The following NEK11 variants were observed in gnomAD, a reference collection of about 807,000 sequenced individuals.
NEK11 encodes the protein NIMA related kinase 11.
Under a neutral mutation model 80.7 loss-of-function variants are expected in NEK11, and 72 were observed. The observed-to-expected ratio is 0.89, with a 90% CI of 0.74 to 1.08. The LOEUF (loss-of-function observed/expected upper bound fraction) is 1.08, where lower values mean the gene tolerates loss of function less well. Among genes scored for constraint, NEK11 ranks in the 50% least tolerant of loss-of-function variants. The probability of loss-of-function intolerance (pLI) is 0.00; values close to 1 mark genes in which losing one functional copy is unlikely to be tolerated. For synonymous variants in NEK11, 251 were observed against 260.7 expected (o/e 0.96, Z 0.36); for missense variants, 764 against 763.6 (o/e 1.00, Z -0.01).
At chr3:131,110,404 A>G (rs891858547) in intron 5 of NEK11, among the ~76,000 whole-genome samples, 3 of 152,138 alleles carry the variant, frequency 2.0e-5, no homozygotes, top group African/African-American at 7.2e-5. Context: ...CCTCAGAGGG[A>G]TAAGTATTCA....
intron 14 of NEK11, among the ~76,000 whole-genome samples, chr3:131,185,911 A>T (rs2093580305): frequency 6.6e-6 from 1 of 152,170 alleles, no homozygotes. Flanking sequence ...GCATTTACCA[A>T]CTATGTGGAC....
At chr3:131,278,088 T>C (rs1280428594) in intron 17 of NEK11, among the ~76,000 whole-genome samples, 1 of 152,240 alleles carries the variant, frequency 6.6e-6, no homozygotes, top group Non-Finnish European at 1.5e-5. Context: ...GCATGTAGTA[T>C]CTTTTTAGCA....
At chr3:131,337,357 T>A (rs2097202753) in intron 17 of NEK11, among the ~76,000 whole-genome samples, 1 of 151,346 alleles carries the variant, frequency 6.6e-6, no homozygotes, top group African/African-American at 2.4e-5. Flanking sequence ...CAGTAAACTA[T>A]CGCAACGACA....
chr3:131,172,166 AG>A (rs1310533390), intron 14 of NEK11, among the ~76,000 whole-genome samples: 1 of 152,204 alleles, frequency 6.6e-6, no homozygotes, highest in Admixed American at 6.5e-5. Flanking sequence ...GTGCTCCAGT[AG>A]TAGCCCATCG....
Position 131,108,074 on chromosome 3 carries a change from C to G in NEK11, c.337-1729C>G, listed in dbSNP as rs77720450. Among the ~76,000 whole-genome samples the G allele has an allele frequency of 4.6e-3, 705 of 152,218 alleles. 4 individuals are homozygous for G. Among genetic ancestry groups the G allele is most frequent in the African/African-American group, 0.015 (641 of 41,544 alleles). The stretch of plus-strand genomic sequence containing the variant: ...ATTCCACCAAGCTTTGGAACACTCT[C>G]CTTGGCCCAGAAAAACTATCAGGAA... On this transcript the variant is annotated intron_variant, in intron 4 of 17. Transcript: ENST00000383366.
chr3:131,167,440 A>G (rs147104404), intron 12 of NEK11, among the ~76,000 whole-genome samples: 6 of 152,218 alleles, frequency 3.9e-5, no homozygotes, highest in Admixed American at 3.9e-4. Context: ...ATGAGCTTAA[A>G]TATTAGTGTC....
intron 17 of NEK11, among the ~76,000 whole-genome samples, chr3:131,324,059 C>T (rs1014973431): frequency 3.3e-5 from 5 of 152,122 alleles, no homozygotes; most frequent in Non-Finnish European, 5.9e-5. Flanking sequence ...ATTAAACAGG[C>T]AAGGAAGGCT....
intron 17 of NEK11, among the ~76,000 whole-genome samples, chr3:131,335,833 CAGAG>C (rs1316966918): frequency 2.0e-5 from 3 of 152,222 alleles, no homozygotes; most frequent in Admixed American, 1.3e-4. Context: ...AACAGACAAA[CAGAG>C]AGCCAAATCA....
At chr3:131,141,026 A>G (rs1431888915) in intron 7 of NEK11, among the ~76,000 whole-genome samples, 2 of 152,132 alleles carry the variant, frequency 1.3e-5, no homozygotes, top group Non-Finnish European at 1.5e-5. Flanking sequence ...ATGTCACATT[A>G]GTAACTTGAA....
intron 15 of NEK11, among the ~76,000 whole-genome samples, chr3:131,235,007 G>A (rs2095407509): frequency 6.6e-6 from 1 of 151,994 alleles, no homozygotes; most frequent in African/African-American, 2.4e-5. Context: ...AGGCAATAGG[G>A]TGAAAAAAGG....
chr3:131,205,762 T>A (rs371935789), intron 14 of NEK11, among the ~76,000 whole-genome samples: 1 of 152,232 alleles, frequency 6.6e-6, no homozygotes, highest in African/African-American at 2.4e-5. Flanking sequence ...TACTTGATAC[T>A]GCCTTTCTGA....
At chr3:131,124,927 T>C (rs917816799) in intron 5 of NEK11, among the ~76,000 whole-genome samples, 11 of 152,198 alleles carry the variant, frequency 7.2e-5, no homozygotes, top group Non-Finnish European at 8.8e-5. Context: ...GGCCTTGATT[T>C]CCTCATCTCC....
At chr3:131,041,745 A>G (rs1577329826) in intron 3 of NEK11, among the ~76,000 whole-genome samples, 1 of 152,316 alleles carries the variant, frequency 6.6e-6, no homozygotes, top group African/African-American at 2.4e-5. Flanking sequence ...TGAACTCAGT[A>G]TTGAGTACTT....
chr3:131,237,721 A>T (rs959949853), intron 15 of NEK11, among the ~76,000 whole-genome samples: 13 of 152,144 alleles, frequency 8.5e-5, no homozygotes, highest in African/African-American at 2.9e-4. Context: ...CATGTACTAA[A>T]GTTAAGCCCC....
chr3:131,132,793 T>C lies in NEK11; in HGVS notation c.504T>C (p.Asn168=), dbSNP rs755233081. The C allele has an allele frequency of 1.1e-5, 16 of 1,500,516 alleles. 1 individual carries two copies. The South Asian group carries it at 1.8e-4, about 17-fold the overall frequency. The allele number at this position is 1,500,516 out of a possible 1,614,324, so 93.0% of individuals were successfully genotyped here. A position where few individuals can be genotyped will look rare whatever the true frequency, so the allele number is the denominator to read the frequency against. The change falls in exon 6 of 18, where the codon AAT becomes AAC. Residue 168 remains asparagine, a synonymous_variant. Transcript: ENST00000383366. The part of the protein sequence containing the change: ...DLKSKNVFLK[N]NLLKIGDFGV... Reference sequence around the variant, plus strand: ...AGTCAAAGAATGTATTTCTGAAAAATAATCTCCTTAAAATTGGTAAGATTT... The same window carrying C: ...AGTCAAAGAATGTATTTCTGAAAAACAATCTCCTTAAAATTGGTAAGATTT...
In NEK11 at chr3:131,174,224, A is replaced by G. The variant is rs76543448; in HGVS notation, c.1399+3337A>G. Among the ~76,000 whole-genome samples the G allele has an allele frequency of 4.9e-3, 750 of 152,352 alleles. 11 individuals are homozygous for G. Among genetic ancestry groups the G allele is most frequent in the African/African-American group, 0.017 (713 of 41,572 alleles). On this transcript the variant is annotated intron_variant, in intron 14 of 17. Coordinates refer to ENST00000383366, the MANE Select transcript of NEK11 (RefSeq NM_024800.5). Reference sequence around the variant, plus strand: ...AAAATGCAACCTTTGGGTTTGACAAATCATTAGAATGGTGGGCAACTACCA... The same window carrying G: ...AAAATGCAACCTTTGGGTTTGACAAGTCATTAGAATGGTGGGCAACTACCA...
chr3:131,256,269 T>C (rs566909342), intron 16 of NEK11, among the ~76,000 whole-genome samples: 2 of 152,306 alleles, frequency 1.3e-5, no homozygotes, highest in East Asian at 3.9e-4. Context: ...CTAAATACAC[T>C]GATTTGATTT....
chr3:131,174,591 T>A (rs2150100213), intron 14 of NEK11, among the ~76,000 whole-genome samples: 1 of 152,286 alleles, frequency 6.6e-6, no homozygotes, highest in Admixed American at 6.5e-5. Flanking sequence ...TATAGCTGAT[T>A]TAATCTAGTG....
intron 3 of NEK11, among the ~76,000 whole-genome samples, chr3:131,062,112 G>T (rs926821064): frequency 6.6e-6 from 1 of 152,192 alleles, no homozygotes; most frequent in Non-Finnish European, 1.5e-5. Context: ...CATTTTAGGG[G>T]AAGAGCTGAG....
Sources: gnomAD v4.1 joint callset for allele counts (sites outside exome capture counted in the v4.1 genomes callset) on GRCh38, gnomAD v4.1.1 for gene constraint, MANE v1.5 for transcripts, NCBI Gene and HGNC (gene_info 2026-07-23, HGNC 2026-07-21) for gene names.